IL1RAPL2: variants seen among roughly 807,000 people sequenced by gnomAD.
IL1RAPL2 encodes X-linked interleukin-1 receptor accessory protein-like 2.
In IL1RAPL2, 3 loss-of-function variants were observed where a neutral mutation model predicts 44.1. That is an observed-to-expected ratio of 0.07 (90% CI 0.03 to 0.18). IL1RAPL2 has a LOEUF of 0.18. Among genes scored for constraint, IL1RAPL2 ranks in the 10% least tolerant of loss-of-function variants. IL1RAPL2 has a pLI of 1.00. For missense variants in IL1RAPL2, 391 were observed against 496.4 expected, an observed-to-expected ratio of 0.79 and a Z score of 2.02; for synonymous variants, 181 against 178.8, an observed-to-expected ratio of 1.01 and a Z score of -0.10.
chrX:104,849,675 AGAGAT>A (rs1340281718), intron 2 of IL1RAPL2, among the ~76,000 whole-genome samples: 2 of 110,559 alleles, frequency 1.8e-5, no homozygotes, highest in Non-Finnish European at 3.8e-5. Context: ...ATCATCTAGT[AGAGAT>A]AAGTATAATC....
At chrX:105,315,062 A>G (rs2034826462) in intron 5 of IL1RAPL2, among the ~76,000 whole-genome samples, 1 of 112,108 alleles carries the variant, frequency 8.9e-6, no homozygotes. Flanking sequence ...AAAATGGACA[A>G]TGACCAAAAT....
chrX:105,346,728 G>T (rs977427663), intron 5 of IL1RAPL2, among the ~76,000 whole-genome samples: 1 of 111,920 alleles, frequency 8.9e-6, no homozygotes, highest in African/African-American at 3.2e-5. Flanking sequence ...TTTCCAAGAT[G>T]CAGCCTAGCC....
chrX:104,607,587 C>T (rs1004193327), intron 1 of IL1RAPL2, among the ~76,000 whole-genome samples: 3 of 112,224 alleles, frequency 2.7e-5, no homozygotes, highest in Admixed American at 9.4e-5. Flanking sequence ...TGAACATACA[C>T]TTCTCTAAAG....
At chrX:104,656,052 A>T (rs1396416003) in intron 1 of IL1RAPL2, among the ~76,000 whole-genome samples, 1 of 109,542 alleles carries the variant, frequency 9.1e-6, no homozygotes, top group Non-Finnish European at 1.9e-5. Flanking sequence ...CATCTATTTG[A>T]TTCTTCTCTA....
At chrX:104,731,952 C>T (rs1237312127) in intron 2 of IL1RAPL2, among the ~76,000 whole-genome samples, 1 of 111,710 alleles carries the variant, frequency 9.0e-6, no homozygotes, top group Non-Finnish European at 1.9e-5. Context: ...TACCCCAAAG[C>T]CTCTATAAAC....
chrX:105,358,388 G>T, intron 5 of IL1RAPL2, among the ~76,000 whole-genome samples: 1 of 101,880 alleles, frequency 9.8e-6, no homozygotes. Flanking sequence ...TTGAAAATGA[G>T]CTGCTAACTG....
chrX:104,592,721 C>G (rs1259746343), intron 1 of IL1RAPL2, among the ~76,000 whole-genome samples: 2 of 111,522 alleles, frequency 1.8e-5, no homozygotes, highest in Non-Finnish European at 3.8e-5. Flanking sequence ...TTCCCCAGAC[C>G]CTCAAATTCT....
intron 5 of IL1RAPL2, among the ~76,000 whole-genome samples, chrX:105,349,478 C>A (rs2035136423): frequency 9.0e-6 from 1 of 111,528 alleles, no homozygotes; most frequent in South Asian, 3.8e-4. Flanking sequence ...TCTAGTAATT[C>A]CCACAAGTAT....
chrX:105,010,555 C>T, intron 2 of IL1RAPL2, among the ~76,000 whole-genome samples: 1 of 111,404 alleles, frequency 9.0e-6, no homozygotes, highest in Non-Finnish European at 1.9e-5. Flanking sequence ...CATTCCAGAG[C>T]AAAGTTTCTT....
At chrX:105,218,941 G>A (rs1556171811) in intron 3 of IL1RAPL2, 14 of 1,178,248 alleles carry the variant, frequency 1.2e-5, no homozygotes, top group African/African-American at 7.2e-5. Flanking sequence ...TACATGCTTC[G>A]GTTCTATTTT....
At chrX:105,486,727 T>C (rs181838900) in intron 6 of IL1RAPL2, among the ~76,000 whole-genome samples, 1 of 88,616 alleles carries the variant, frequency 1.1e-5, no homozygotes, top group Non-Finnish European at 2.2e-5. Flanking sequence ...TATATATCTA[T>C]ATATCTATAT....
chrX:104,580,038 C>G (rs1928314453), intron 1 of IL1RAPL2, among the ~76,000 whole-genome samples: 1 of 111,618 alleles, frequency 9.0e-6, no homozygotes, highest in South Asian at 3.8e-4. Flanking sequence ...TCTTCTGCCA[C>G]AGTTTCAGTT....
chrX:105,417,588 A>G (rs755664539), intron 5 of IL1RAPL2, among the ~76,000 whole-genome samples: 24 of 112,928 alleles, frequency 2.1e-4, no homozygotes, highest in African/African-American at 7.1e-4. Flanking sequence ...ATTTTTCTCC[A>G]TTACCATAGT....
chrX:105,127,025 G>A (rs1602967209), intron 2 of IL1RAPL2, among the ~76,000 whole-genome samples: 2 of 111,278 alleles, frequency 1.8e-5, no homozygotes, highest in East Asian at 2.8e-4. Context: ...AAATGTATGA[G>A]CATCAGCTAA....
Position 104,878,421 on chromosome X carries a change from T to C in IL1RAPL2, c.82+219426T>C, listed in dbSNP as rs943002214. Among the ~76,000 whole-genome samples, 10 of 112,231 alleles carry C rather than the reference T, an allele frequency of 8.9e-5. No individual in the cohort carries two copies. In the East Asian group the frequency reaches 2.8e-3, roughly 31 times the overall value. The stretch of plus-strand genomic sequence containing the variant: ...AACAACCCAATAAGGTATGTATTCT[T>C]ATTCTACACATTTCAAAGATACAGA... On this transcript the variant is annotated intron_variant, in intron 2 of 10. Coordinates refer to ENST00000372582, the MANE Select transcript of IL1RAPL2 (RefSeq NM_017416.2).
chrX:105,657,885 G>A (rs2037687767), intron 6 of IL1RAPL2, among the ~76,000 whole-genome samples: 2 of 110,015 alleles, frequency 1.8e-5, no homozygotes, highest in Admixed American at 1.9e-4. Context: ...AAAGTGCTGG[G>A]ATTAGAGGCA....
chrX:104,711,512 T>G (rs2147558024), intron 2 of IL1RAPL2, among the ~76,000 whole-genome samples: 1 of 110,405 alleles, frequency 9.1e-6, no homozygotes, highest in East Asian at 2.9e-4. Context: ...CTAAAATCAT[T>G]AATGCATGTA....
chrX:105,735,902 A>G (rs2038444016), intron 7 of IL1RAPL2, among the ~76,000 whole-genome samples: 1 of 111,804 alleles, frequency 8.9e-6, no homozygotes, highest in South Asian at 3.7e-4. Flanking sequence ...TGTATATGGA[A>G]TCAAAAAAGA....
At position 105,195,605 on chromosome X, in the gene IL1RAPL2, G is replaced by C. The variant is rs2033666759; in HGVS notation, c.213G>C (p.Gly71=). ...RTNYSTAQST[G]LRLMWYKNKG... is the part of the protein sequence containing the mutation. ...ACTATAGCACGGCCCAGAGCACTGGGCTCAGGCTTATGTGGTACAAAAACA... is the reference window on the plus strand; with the variant it reads ...ACTATAGCACGGCCCAGAGCACTGGCCTCAGGCTTATGTGGTACAAAAACA... The change falls in exon 3 of 11, where the codon GGG becomes GGC. Residue 71 remains glycine, a synonymous_variant. Transcript: ENST00000372582. The C allele has an allele frequency of 1.7e-6, 2 of 1,211,980 alleles. No homozygotes were observed. Among genetic ancestry groups the C allele is most frequent in the African/African-American group, 3.5e-5 (2 of 57,873 alleles).
Sources: allele counts gnomAD v4.1 joint callset (sites outside exome capture counted in the v4.1 genomes callset), GRCh38; gene constraint gnomAD v4.1.1; transcripts MANE v1.5; gene names NCBI Gene and HGNC (gene_info 2026-07-23, HGNC 2026-07-21).